HOOK1: variants seen among roughly 807,000 people sequenced by gnomAD.
The protein encoded by HOOK1 is protein Hook homolog 1.
Under a neutral mutation model 112.8 loss-of-function variants are expected in HOOK1, and 60 were observed. That is an observed-to-expected ratio of 0.53 (90% CI 0.43 to 0.66). The LOEUF is 0.66. Among genes scored for constraint, HOOK1 ranks in the 30% least tolerant of loss-of-function variants. HOOK1 has a pLI of 0.00. For missense variants in HOOK1, 770 were observed against 856.0 expected (o/e 0.90, Z 1.25); for synonymous variants, 294 against 283.8 (o/e 1.04, Z -0.36).
At chr1:59,824,012 A>G (rs967600209) in intron 2 of HOOK1, among the ~76,000 whole-genome samples, 2 of 152,142 alleles carry the variant, frequency 1.3e-5, no homozygotes, top group Non-Finnish European at 2.9e-5. Context: ...GAGCCTCCTT[A>G]TCATCCAGGG....
intron 8 of HOOK1, among the ~76,000 whole-genome samples, chr1:59,840,976 A>G (rs1050074219): frequency 1.2e-4 from 19 of 152,170 alleles, no homozygotes; most frequent in African/African-American, 4.6e-4. Flanking sequence ...CTGGCATATT[A>G]CTAGCTGGTT....
chr1:59,862,314 A>C (rs1331496120), intron 15 of HOOK1, among the ~76,000 whole-genome samples: 1 of 152,174 alleles, frequency 6.6e-6, no homozygotes, highest in Non-Finnish European at 1.5e-5. Flanking sequence ...GCCACATTAG[A>C]ATCTGAGTTA....
chr1:59,854,826 G>A (rs952184726), intron 12 of HOOK1, among the ~76,000 whole-genome samples: 1 of 152,106 alleles, frequency 6.6e-6, no homozygotes, highest in Non-Finnish European at 1.5e-5. Context: ...ACTGTAGATT[G>A]ATGATCCAAG....
chr1:59,865,945 TA>T lies in HOOK1; in HGVS notation c.1822del (p.Met608CysfsTer9). 6.3e-7 allele frequency: 1 copy of T among 1,594,384 alleles called. No homozygotes were observed. The highest frequency in any genetic ancestry group is 8.6e-7 in the Non-Finnish European group (1 of 1,168,090). Reference protein sequence around the residue: ...EDMKAMEERYKMYLEKARNVI... With the variant: ...EDMKAMEERYXMYLEKARNVI... ...ATATGAAAGCAATGGAGGAAAGATATAAAATGTACTTGGAGAAAGCCAGAAA... is the reference window on the plus strand; with the variant it reads ...ATATGAAAGCAATGGAGGAAAGATATAAATGTACTTGGAGAAAGCCAGAAA... On this transcript the variant is annotated frameshift_variant, in exon 19 of 22. Coordinates refer to ENST00000371208, the MANE Select transcript of HOOK1 (RefSeq NM_015888.6). LOFTEE classifies it high-confidence loss of function.
Position 59,815,044 on chromosome 1 carries a change from C to T in HOOK1, c.-74C>T. ...TTCCTGGGGGCTAGCAGGTCGTGGACGCCGGCTCCTGGAGGAGAGCCGGTA... is the reference window on the plus strand; with the variant it reads ...TTCCTGGGGGCTAGCAGGTCGTGGATGCCGGCTCCTGGAGGAGAGCCGGTA... On this transcript the variant is annotated 5_prime_UTR_variant, in exon 1 of 22. It adds an upstream start codon to the 5' untranslated region. Coordinates refer to ENST00000371208, the MANE Select transcript of HOOK1 (RefSeq NM_015888.6). 1 of 1,430,596 alleles carries T rather than the reference C, an allele frequency of 7.0e-7. No individual in the cohort carries two copies. Among genetic ancestry groups the T allele is most frequent in the Non-Finnish European group, 9.5e-7 (1 of 1,056,082 alleles). The allele number at this position is 1,430,596 out of a possible 1,614,324, so 88.6% of individuals were successfully genotyped here.
rs1644092925 is a variant in HOOK1 at position 59,873,741 on chromosome 1, A to G, written c.*776A>G. 7.0e-6 allele frequency: 1 copy of G among 142,348 alleles called. No homozygotes were observed. Among genetic ancestry groups the G allele is most frequent in the African/African-American group, 2.6e-5 (1 of 39,090 alleles). 8.8% of individuals were successfully genotyped at this position (142,348 alleles called of 1,614,324 possible). On this transcript the variant is annotated 3_prime_UTR_variant, in exon 22 of 22. Transcript: ENST00000371208. ...GAAAGCAAGCTATATATATATATAT[A>G]TATATATATATATATATATATATAC...
chr1:59,821,833 G>T (rs2098385916), intron 1 of HOOK1, 25 bp from the exon 2 acceptor site: 2 of 1,519,630 alleles, frequency 1.3e-6, no homozygotes, highest in Admixed American at 4.1e-5. Context: ...GAAGCAGTAA[G>T]ATCATTTGAT....
rs998200706 is a variant in HOOK1 at position 59,875,990 on chromosome 1, C to G, written c.*3025C>G. The G allele has an allele frequency of 2.0e-5, 3 of 152,608 alleles. No individual in the cohort carries two copies. The highest frequency in any genetic ancestry group is 7.2e-5 in the African/African-American group (3 of 41,436). 9.5% of individuals were successfully genotyped at this position (152,608 alleles called of 1,614,324 possible). On this transcript the variant is annotated 3_prime_UTR_variant, in exon 22 of 22. Coordinates refer to ENST00000371208, the MANE Select transcript of HOOK1 (RefSeq NM_015888.6). ...TCTGACCCTGGGGCTTGGGGATGGC[C>G]TTTAGGCCACAGTAGTGTCTGTGTT...
intron 7 of HOOK1, among the ~76,000 whole-genome samples, chr1:59,837,853 AC>A (rs2098398759): frequency 6.7e-6 from 1 of 150,142 alleles, no homozygotes; most frequent in Non-Finnish European, 1.5e-5. Context: ...CTAGCCCCCC[AC>A]CCCCCACAGG....
chr1:59,821,712 G>T, intron 1 of HOOK1, 146 bp from the exon 2 acceptor site: 1 of 562,776 alleles, frequency 1.8e-6, no homozygotes. Context: ...AGTTCCATTT[G>T]TTTGTCTGGG....
At chr1:59,864,566 C>G in intron 16 of HOOK1, 66 bp from the exon 17 acceptor site, 1 of 981,542 alleles carries the variant, frequency 1.0e-6, no homozygotes, top group East Asian at 2.5e-5. Context: ...AAAGAGATTT[C>G]GATGTCTGGA....
At chr1:59,819,924 C>G (rs972763971) in intron 1 of HOOK1, among the ~76,000 whole-genome samples, 1 of 152,178 alleles carries the variant, frequency 6.6e-6, no homozygotes, top group African/African-American at 2.4e-5. Context: ...ATCATCTCCT[C>G]TCAGTCAATA....
Position 59,872,795 on chromosome 1 carries a change from A to G in HOOK1, c.2017A>G (p.Ser673Gly). The G allele has an allele frequency of 7.2e-7, 1 of 1,394,482 alleles. No homozygotes were observed. Among genetic ancestry groups the G allele is most frequent in the East Asian group, 2.7e-5 (1 of 37,050 alleles). 86.4% of individuals were successfully genotyped at this position (1,394,482 alleles called of 1,614,324 possible). A position where few individuals can be genotyped will look rare whatever the true frequency, so the allele number is the denominator to read the frequency against. The change falls in exon 22 of 22, where the codon AGT becomes GGT. Residue 673 changes from serine (S) to glycine (G), a missense_variant and splice_region_variant. Ser to Gly is a moderately conservative substitution (Grantham distance 56). This residue lies in a region of HOOK1 where 111 missense variants were observed against 111.8 expected (regional missense o/e 0.99). Coordinates refer to ENST00000371208, the MANE Select transcript of HOOK1 (RefSeq NM_015888.6). ...AAAAATATATGTTTTTTTTTTTCAGAGTCTAGCATTCCAGAAACTGGGGAT... is the reference window on the plus strand; with the variant it reads ...AAAAATATATGTTTTTTTTTTTCAGGGTCTAGCATTCCAGAAACTGGGGAT... ...KLIVSAWYNKSLAFQKLGMES... is the reference protein window; with the variant it reads ...KLIVSAWYNKGLAFQKLGMES...
intron 9 of HOOK1, among the ~76,000 whole-genome samples, chr1:59,846,695 T>C (rs2098404259): frequency 6.7e-6 from 1 of 149,042 alleles, no homozygotes; most frequent in Non-Finnish European, 1.5e-5. Context: ...CCAAATTTGA[T>C]TGCTTGTCTT....
chr1:59,862,935 A>G, intron 16 of HOOK1, 58 bp downstream of exon 16: 5 of 941,272 alleles, frequency 5.3e-6, no homozygotes, highest in East Asian at 2.4e-5. Context: ...TTAATAGATC[A>G]TGATGTCCAA....
At chr1:59,847,523 T>C (rs1215266448) in intron 10 of HOOK1, among the ~76,000 whole-genome samples, 1 of 151,600 alleles carries the variant, frequency 6.6e-6, no homozygotes, top group Non-Finnish European at 1.5e-5. Flanking sequence ...TGTAAGGAAA[T>C]TTTTGTGTAA....
At position 59,832,144 on chromosome 1, in the gene HOOK1, C is replaced by CT. The variant is rs1389176721; in HGVS notation, c.223-17dup. 1 of 1,369,444 alleles carries CT rather than the reference C, an allele frequency of 7.3e-7. No homozygotes were observed. The highest frequency in any genetic ancestry group is 1.4e-5 in the South Asian group (1 of 73,004). The allele number at this position is 1,369,444 out of a possible 1,614,324, so 84.8% of individuals were successfully genotyped here. On this transcript the variant is annotated intron_variant, in intron 3 of 21. Coordinates refer to ENST00000371208, the MANE Select transcript of HOOK1 (RefSeq NM_015888.6). ...CATTATTAATCTGAAATAAGAATCT[C>CT]TTATTTTTTTCACATTAGGCCAGTA...
chr1:59,865,674 A>G (rs889552532), intron 18 of HOOK1, among the ~76,000 whole-genome samples, 198 bp from the exon 19 acceptor site: 1 of 152,112 alleles, frequency 6.6e-6, no homozygotes, highest in African/African-American at 2.4e-5. Context: ...TCAAATAATA[A>G]ATGATTGAGA....
At chr1:59,868,807 TACTC>T (rs1348670074) in intron 20 of HOOK1, among the ~76,000 whole-genome samples, 4 of 152,196 alleles carry the variant, frequency 2.6e-5, no homozygotes, top group Admixed American at 1.3e-4. Flanking sequence ...GAGAAGGAAG[TACTC>T]ACAGAATTCC....
Sources: gnomAD v4.1 joint callset for allele counts (sites outside exome capture counted in the v4.1 genomes callset) on GRCh38, gnomAD v4.1.1 for gene constraint, gnomAD v4.1.1 regional missense constraint, MANE v1.5 for transcripts, NCBI Gene and HGNC (gene_info 2026-07-23, HGNC 2026-07-21) for gene names.